COL11A1: variants seen among roughly 807,000 people sequenced by gnomAD.
The protein encoded by COL11A1 is collagen alpha-1(XI) chain.
In COL11A1, 74 loss-of-function variants were observed where a neutral mutation model predicts 265.2. That is an observed-to-expected ratio of 0.28 (90% CI 0.23 to 0.34). The LOEUF is 0.34. Ranked by LOEUF, COL11A1 falls within the 10% of genes least tolerant of loss-of-function variation. The pLI is 1.00. For synonymous variants in COL11A1, 816 were observed against 727.6 expected, an observed-to-expected ratio of 1.12 and a Z score of -1.96; for missense variants, 2,165 against 2,263.6, an observed-to-expected ratio of 0.96 and a Z score of 0.88.
chr1:102,947,399 C>A (rs755992854), intron 41 of COL11A1, among the ~76,000 whole-genome samples: 31 of 151,808 alleles, frequency 2.0e-4, no homozygotes, highest in South Asian at 8.3e-4. Context: ...ATGTGCTGAA[C>A]CAAGGTTTCA....
At chr1:102,912,089 A>G (rs1402837184) in intron 54 of COL11A1, 70 bp downstream of exon 54, 5 of 1,270,570 alleles carry the variant, frequency 3.9e-6, no homozygotes, top group Non-Finnish European at 5.6e-6. Flanking sequence ...TGCAGCTTAC[A>G]CACATTATAT....
Position 102,923,367 on chromosome 1 carries a change from T to C in COL11A1, c.3623A>G (p.Glu1208Gly), listed in dbSNP as rs1417329768. Residue 1208 changes from glutamate (E) to glycine (G), a missense_variant, in exon 47 of 67, where the codon GAA becomes GGA. Physicochemically the swap from Glu to Gly is moderately conservative, Grantham distance 98. Transcript: ENST00000370096. ...ACCAACATCCCCATTTTCACCTTTTTCACCAGGTGGGCCTGGCAGACCCTA... is the reference window on the plus strand; with the variant it reads ...ACCAACATCCCCATTTTCACCTTTTCCACCAGGTGGGCCTGGCAGACCCTA... ...GLQGLPGPPGEKGENGDVGPM... is the reference protein window; with the variant it reads ...GLQGLPGPPGGKGENGDVGPM... 7.5e-6 allele frequency: 12 copies of C among 1,605,414 alleles called. No homozygotes were observed. The highest frequency in any genetic ancestry group is 1.0e-5 in the Non-Finnish European group (12 of 1,175,030).
intron 41 of COL11A1, among the ~76,000 whole-genome samples, chr1:102,957,760 C>A (rs181669570): frequency 1.5e-3 from 224 of 152,040 alleles, no homozygotes; most frequent in African/African-American, 4.6e-3. Context: ...AAAGTGCTAT[C>A]ATGGATATTT....
chr1:102,892,471 T>C (rs1651891535), intron 57 of COL11A1, among the ~76,000 whole-genome samples: 1 of 152,162 alleles, frequency 6.6e-6, no homozygotes, highest in South Asian at 2.1e-4. Flanking sequence ...GGGTTCAGAA[T>C]AGATAAGGTC....
intron 28 of COL11A1, among the ~76,000 whole-genome samples, chr1:102,995,104 T>C (rs1394369624): frequency 1.3e-5 from 2 of 152,082 alleles, no homozygotes; most frequent in African/African-American, 4.8e-5. Context: ...ACAATTTGGA[T>C]TAGAATTCAA....
intron 4 of COL11A1, among the ~76,000 whole-genome samples, chr1:103,045,245 A>G (rs1299051306): frequency 2.0e-5 from 3 of 152,176 alleles, no homozygotes; most frequent in African/African-American, 7.2e-5. Flanking sequence ...AACTTTACAA[A>G]TGAAATGAAA....
intron 15 of COL11A1, among the ~76,000 whole-genome samples, chr1:103,007,107 G>A (rs1220014160): frequency 6.6e-6 from 1 of 152,022 alleles, no homozygotes; most frequent in African/African-American, 2.4e-5. Flanking sequence ...ATTGTGAACT[G>A]CTAAAGTCTT....
At chr1:103,006,525 CA>C (rs1665629952) in intron 15 of COL11A1, among the ~76,000 whole-genome samples, 6 of 76,206 alleles carry the variant, frequency 7.9e-5, no homozygotes, top group Non-Finnish European at 1.5e-4. Context: ...TAAATGGCTC[CA>C]TTTTTTTTTT....
intron 44 of COL11A1, among the ~76,000 whole-genome samples, chr1:102,937,580 A>G (rs922694641): frequency 2.0e-5 from 3 of 152,048 alleles, no homozygotes; most frequent in African/African-American, 7.2e-5. Flanking sequence ...GGGGAGATTG[A>G]ATTGTTTCTT....
At chr1:102,925,415 ATATATT>A (rs1433050365) in intron 46 of COL11A1, among the ~76,000 whole-genome samples, 3 of 152,198 alleles carry the variant, frequency 2.0e-5, no homozygotes, top group Admixed American at 2.0e-4. Flanking sequence ...ACTTTACTGA[ATATATT>A]TATATATTTG....
intron 4 of COL11A1, among the ~76,000 whole-genome samples, chr1:103,047,189 A>C (rs1423851962): frequency 6.6e-6 from 1 of 152,120 alleles, no homozygotes. Context: ...TCTGTAAATT[A>C]CCTTGGGCAG....
chr1:102,903,062 A>C (rs192958279), intron 54 of COL11A1, among the ~76,000 whole-genome samples: 5 of 152,154 alleles, frequency 3.3e-5, no homozygotes, highest in Non-Finnish European at 5.9e-5. Context: ...ATAATGCTTA[A>C]ATTATTTTGG....
chr1:103,067,454 T>C (rs71664980), intron 4 of COL11A1, among the ~76,000 whole-genome samples: 1 of 151,780 alleles, frequency 6.6e-6, no homozygotes, highest in African/African-American at 2.4e-5. Flanking sequence ...AAAAATGACA[T>C]AGTAAAATTG....
chr1:102,898,780 G>C lies in COL11A1; in HGVS notation c.4141-7C>G. Reference sequence around the variant, plus strand: ...CTTCTGCACCTGCTTCCCCCTGTTAGAAAGTAAAATATGGGAGCACATTAG... The same window carrying C: ...CTTCTGCACCTGCTTCCCCCTGTTACAAAGTAAAATATGGGAGCACATTAG... On this transcript the variant is annotated splice_region_variant and splice_polypyrimidine_tract_variant and intron_variant, in intron 55 of 66. Transcript: ENST00000370096. The C allele has an allele frequency of 6.2e-7, 1 of 1,610,712 alleles. No homozygotes were observed. The highest frequency in any genetic ancestry group is 1.1e-5 in the South Asian group (1 of 91,010).
intron 42 of COL11A1, among the ~76,000 whole-genome samples, chr1:102,942,345 A>G (rs1372320024): frequency 6.6e-6 from 1 of 152,174 alleles, no homozygotes; most frequent in East Asian, 1.9e-4. Flanking sequence ...GCCAGGAATC[A>G]CTTGCCATTC....
intron 14 of COL11A1, among the ~76,000 whole-genome samples, chr1:103,011,222 T>G (rs570351189): frequency 8.5e-5 from 13 of 152,260 alleles, no homozygotes; most frequent in Non-Finnish European, 1.0e-4. Flanking sequence ...ACTACTTACT[T>G]TCCTGTTATG....
Position 102,921,558 on chromosome 1 carries a change from G to A in COL11A1, c.3668C>T (p.Pro1223Leu). ...ACCTTGAGGGCCTCTTGGGCCTGGAGGACCAGGTGGCCCCTGTAAGAGAGA... is the reference window on the plus strand; with the variant it reads ...ACCTTGAGGGCCTCTTGGGCCTGGAAGACCAGGTGGCCCCTGTAAGAGAGA... ...GDVGPMGPPGPPGPRGPQGPN... is the reference protein window; with the variant it reads ...GDVGPMGPPGLPGPRGPQGPN... The change falls in exon 48 of 67, where the codon CCT becomes CTT. Residue 1223 changes from proline to leucine, a missense_variant. Coordinates refer to ENST00000370096, the MANE Select transcript of COL11A1 (RefSeq NM_001854.4). The A allele has an allele frequency of 6.2e-7, 1 of 1,613,078 alleles. No homozygotes were observed. The highest frequency in any genetic ancestry group is 8.5e-7 in the Non-Finnish European group (1 of 1,179,464).
At chr1:103,078,074 C>T (rs1302054321) in intron 3 of COL11A1, among the ~76,000 whole-genome samples, 1 of 152,056 alleles carries the variant, frequency 6.6e-6, no homozygotes, top group African/African-American at 2.4e-5. Context: ...CATTCTTCTG[C>T]TCAAAAAGCC....
chr1:103,103,294 A>T (rs902846030), intron 1 of COL11A1, among the ~76,000 whole-genome samples: 1 of 152,038 alleles, frequency 6.6e-6, no homozygotes, highest in Non-Finnish European at 1.5e-5. Flanking sequence ...TAACCTGAAA[A>T]TATCAGAAAT....
Sources: gnomAD v4.1 joint callset for allele counts (sites outside exome capture counted in the v4.1 genomes callset) on GRCh38, gnomAD v4.1.1 for gene constraint, MANE v1.5 for transcripts, NCBI Gene and HGNC (gene_info 2026-07-23, HGNC 2026-07-21) for gene names.